Variants in NCOR1 observed in about 807,000 individuals in gnomAD.
NCOR1 encodes the protein nuclear receptor corepressor 1.
NCOR1 carries 63 observed loss-of-function variants against 288.1 expected under a neutral mutation model. The observed-to-expected ratio is 0.22, with a 90% CI of 0.18 to 0.27. The LOEUF is 0.27. NCOR1 is among the 10% of genes least tolerant of loss of function. The probability of loss-of-function intolerance (pLI) is 1.00; values close to 1 mark genes in which losing one functional copy is unlikely to be tolerated. For synonymous variants in NCOR1, 1,007 were observed against 1,065.9 expected (o/e 0.94, Z 1.08); for missense variants, 2,397 against 3,019.2 (o/e 0.79, Z 4.83).
intron 18 of NCOR1, 90 bp downstream of exon 18, chr17:16,117,798 G>C: frequency 7.3e-7 from 1 of 1,361,040 alleles, no homozygotes; most frequent in Non-Finnish European, 1.0e-6. Flanking sequence ...CTCTAGCCTG[G>C]GTGATAGAGT....
chr17:16,199,216 A>C (rs6502497), intron 1 of NCOR1, among the ~76,000 whole-genome samples: 5,575 of 122,296 alleles, frequency 0.046, 223 homozygotes, highest in African/African-American at 0.12. Context: ...AAAAAAAAAA[A>C]ACACACACAC....
rs202067625 is a variant in NCOR1, at chr17:16,032,528, G to A, written c.7136-45C>T. 1.0e-4 allele frequency: 151 copies of A among 1,507,814 alleles called. 1 individual carries two copies. The African/African-American group carries it at 1.4e-3, about 14-fold the overall frequency. The allele number at this position is 1,507,814 out of a possible 1,614,324, so 93.4% of individuals were successfully genotyped here. A position where few individuals can be genotyped will look rare whatever the true frequency, so the allele number is the denominator to read the frequency against. ...GTTTTCATTGTCATGAACATAACTG[G>A]TATTTCATCCAATCCAACTTTTGTA... On this transcript the variant is annotated intron_variant, in intron 45 of 45. Coordinates refer to ENST00000268712, the MANE Select transcript of NCOR1 (RefSeq NM_006311.4).
At chr17:16,114,177 A>G (rs1176219741) in intron 18 of NCOR1, among the ~76,000 whole-genome samples, 1 of 139,436 alleles carries the variant, frequency 7.2e-6, no homozygotes, top group African/African-American at 2.6e-5. Context: ...AAACTTGTGC[A>G]GGGGAACTCC....
At chr17:16,062,403 T>G in intron 35 of NCOR1, 133 bp from the exon 36 acceptor site, 4 of 956,802 alleles carry the variant, frequency 4.2e-6, no homozygotes, top group Non-Finnish European at 5.7e-6. Flanking sequence ...AGAAACTTGA[T>G]AGTCTACTTT....
At chr17:16,133,644 G>C (rs2075987217) in intron 14 of NCOR1, among the ~76,000 whole-genome samples, 1 of 152,122 alleles carries the variant, frequency 6.6e-6, no homozygotes, top group South Asian at 2.1e-4. Context: ...CTTTAACCCA[G>C]ATCTTTTTCC....
Position 16,065,601 on chromosome 17 carries a change from GTC to G in NCOR1, c.4833_4834del (p.Gln1611HisfsTer5). On this transcript the variant is annotated frameshift_variant, in exon 33 of 46. Transcript: ENST00000268712. LOFTEE classifies it high-confidence loss of function. Reference sequence around the variant, plus strand: ...TGAGGTAATGTAATCATTTAAGATTGTCTGTCTTGTGTTCTCCATTGCGTAAA... The same window carrying G: ...TGAGGTAATGTAATCATTTAAGATTGTGTCTTGTGTTCTCCATTGCGTAAA... The G allele has an allele frequency of 6.2e-7, 1 of 1,614,206 alleles. No homozygotes were observed.
At chr17:16,159,933 G>A (rs751147634) in intron 5 of NCOR1, among the ~76,000 whole-genome samples, 7 of 151,662 alleles carry the variant, frequency 4.6e-5, no homozygotes, top group African/African-American at 7.3e-5. Flanking sequence ...GGGTTCAAGC[G>A]ATTCTCCTGC....
intron 3 of NCOR1, among the ~76,000 whole-genome samples, chr17:16,172,372 G>GT (rs1338207786): frequency 6.6e-6 from 1 of 151,996 alleles, no homozygotes; most frequent in African/African-American, 2.4e-5. Context: ...AAAAAAAAAG[G>GT]TTTGGGGGGA....
intron 19 of NCOR1, among the ~76,000 whole-genome samples, chr17:16,107,724 C>A (rs1358993873): frequency 1.3e-5 from 2 of 152,050 alleles, no homozygotes; most frequent in African/African-American, 4.8e-5. Context: ...ATTAACACAC[C>A]AAACTACCTT....
chr17:16,049,775 C>T (rs546020805), intron 40 of NCOR1, among the ~76,000 whole-genome samples: 8 of 152,128 alleles, frequency 5.3e-5, no homozygotes, highest in East Asian at 1.9e-4. Flanking sequence ...TTAGTAGAGA[C>T]GGGGTTTCAC....
chr17:16,171,094 C>T (rs1349226898), intron 4 of NCOR1, among the ~76,000 whole-genome samples: 1 of 151,686 alleles, frequency 6.6e-6, no homozygotes, highest in East Asian at 1.9e-4. Context: ...GTTCTTACCA[C>T]CAAAAAAAAA....
At chr17:16,090,686 T>C (rs1409655691) in intron 22 of NCOR1, among the ~76,000 whole-genome samples, 1 of 152,194 alleles carries the variant, frequency 6.6e-6, no homozygotes, top group Non-Finnish European at 1.5e-5. Flanking sequence ...TGGTTCACAT[T>C]TTTCCTAGCA....
intron 21 of NCOR1, among the ~76,000 whole-genome samples, chr17:16,095,812 C>T (rs185358371): frequency 7.9e-5 from 12 of 151,806 alleles, no homozygotes; most frequent in African/African-American, 2.2e-4. Flanking sequence ...GCCACCACCC[C>T]GTCTGGGAGG....
intron 26 of NCOR1, among the ~76,000 whole-genome samples, chr17:16,078,099 C>T (rs915905302): frequency 4.6e-5 from 7 of 152,162 alleles, no homozygotes; most frequent in Admixed American, 3.9e-4. Context: ...TTCCTTTAAG[C>T]AGCGAGCCCT....
chr17:16,046,758 G>A (rs2058711759), intron 42 of NCOR1, 193 bp downstream of exon 42: 1 of 547,268 alleles, frequency 1.8e-6, no homozygotes. Flanking sequence ...CTTCAGAAAG[G>A]AGCGAACTCC....
At position 16,065,545 on chromosome 17, in the gene NCOR1, C is replaced by T. The variant is rs769715379; in HGVS notation, c.4891G>A (p.Val1631Met). Residue 1631 changes from valine (V) to methionine (M), a missense_variant, in exon 33 of 46, where the codon GTG (valine) becomes ATG (methionine). Val to Met is a conservative substitution (Grantham distance 21). Transcript: ENST00000268712. ...QQMQVNLRPD[V>M]ARGLSPREQP... ...TCTCTTGGGGAGAGTCCTCTGGCCACATCTGGACGCAAGTTCACTTGCATC... is the reference window on the plus strand; with the variant it reads ...TCTCTTGGGGAGAGTCCTCTGGCCATATCTGGACGCAAGTTCACTTGCATC... The T allele has an allele frequency of 3.1e-6, 5 of 1,614,098 alleles. No homozygotes were observed. The African/African-American group carries it at 5.3e-5, about 17-fold the overall frequency.
chr17:16,143,915 G>A (rs1280194657), intron 10 of NCOR1, among the ~76,000 whole-genome samples: 1 of 152,148 alleles, frequency 6.6e-6, no homozygotes, highest in Non-Finnish European at 1.5e-5. Context: ...ACATGTTCAT[G>A]TTCAAATGGT....
chr17:16,119,907 T>C (rs187571249), intron 16 of NCOR1, among the ~76,000 whole-genome samples: 214 of 152,234 alleles, frequency 1.4e-3, no homozygotes, highest in African/African-American at 4.6e-3. Flanking sequence ...GGAGCCCCTT[T>C]AGTTCATCCC....
chr17:16,136,046 T>A (rs2076350708), intron 14 of NCOR1, among the ~76,000 whole-genome samples: 1 of 152,226 alleles, frequency 6.6e-6, no homozygotes, highest in African/African-American at 2.4e-5. Flanking sequence ...AGCGCAGCAG[T>A]CTCTCTGGTA....
Sources: allele counts gnomAD v4.1 joint callset (sites outside exome capture counted in the v4.1 genomes callset), GRCh38; gene constraint gnomAD v4.1.1; transcripts MANE v1.5; gene names NCBI Gene and HGNC (gene_info 2026-07-23, HGNC 2026-07-21).